DIP2C: variants seen among roughly 807,000 people sequenced by gnomAD.
DIP2C encodes the protein DIP2 acetate--CoA ligase C (putative).
DIP2C carries 33 observed loss-of-function variants against 192.4 expected under a neutral mutation model. The ratio of observed to expected loss-of-function variants is 0.17; its 90% CI spans 0.13 to 0.23. The LOEUF (loss-of-function observed/expected upper bound fraction) is 0.23, where lower values mean the gene tolerates loss of function less well. Among genes scored for constraint, DIP2C ranks in the 10% least tolerant of loss-of-function variants. The probability of loss-of-function intolerance (pLI) is 1.00; values close to 1 mark genes in which losing one functional copy is unlikely to be tolerated. For synonymous variants in DIP2C, 979 were observed against 864.1 expected (o/e 1.13, Z -2.33); for missense variants, 1,537 against 2,110.1 (o/e 0.73, Z 5.32).
intron 1 of DIP2C, among the ~76,000 whole-genome samples, chr10:521,858 A>T (rs1348405804): frequency 6.6e-6 from 1 of 152,040 alleles, no homozygotes; most frequent in Admixed American, 6.6e-5. Context: ...TCCCCAGCAC[A>T]TGCACAGCCT....
Position 414,055 on chromosome 10 carries a change from C to T in DIP2C, c.915G>A (p.Met305Ile). Reference protein sequence around the residue: ...PKPEGAQMLAMRGEQLGVVTN... With the variant: ...PKPEGAQMLAIRGEQLGVVTN... ...TGACCACGCCCAGCTGCTCTCCGCG[C>T]ATGGCCAGCATCTGGGCCCCCTCCG... Residue 305 changes from methionine to isoleucine, a missense_variant, in exon 8 of 37, where the codon ATG (methionine) becomes ATA (isoleucine). By Grantham distance (10) the Met-to-Ile change is conservative. Transcript: ENST00000280886. 6.2e-7 allele frequency: 1 copy of T among 1,613,954 alleles called. No individual in the cohort carries two copies. The highest frequency in any genetic ancestry group is 8.5e-7 in the Non-Finnish European group (1 of 1,179,850).
At chr10:654,335 G>A (rs1293578720) in intron 1 of DIP2C, among the ~76,000 whole-genome samples, 1 of 152,200 alleles carries the variant, frequency 6.6e-6, no homozygotes, top group Non-Finnish European at 1.5e-5. Flanking sequence ...GTACCCAGCT[G>A]GACAGGTGAA....
chr10:334,811 C>T (rs183736689), intron 29 of DIP2C, among the ~76,000 whole-genome samples: 2 of 152,294 alleles, frequency 1.3e-5, no homozygotes, highest in African/African-American at 4.8e-5. Context: ...AATGCCAGTA[C>T]ATTGTTCTGG....
chr10:301,869 G>A (rs565966717), intron 32 of DIP2C, among the ~76,000 whole-genome samples: 10 of 152,334 alleles, frequency 6.6e-5, no homozygotes, highest in East Asian at 5.8e-4. Context: ...CCAGGAGGAC[G>A]GCAAAGCCTC....
At chr10:626,010 T>C (rs1185869556) in intron 1 of DIP2C, among the ~76,000 whole-genome samples, 1 of 152,164 alleles carries the variant, frequency 6.6e-6, no homozygotes, top group Non-Finnish European at 1.5e-5. Context: ...ATTAATCACT[T>C]GAGTCCTCCC....
In DIP2C at chr10:525,720, G is replaced by A. The variant is rs112150417; in HGVS notation, c.86-39190C>T. Among the ~76,000 whole-genome samples, 209 of 152,252 alleles carry A rather than the reference G, an allele frequency of 1.4e-3. 1 individual carries two copies. Among genetic ancestry groups the A allele is most frequent in the African/African-American group, 4.3e-3 (180 of 41,556 alleles). ...GGAGAAAGGAAGACAGGCCAGCCCCGTACACCCATCAGCACACCCACACCA... is the reference window on the plus strand; with the variant it reads ...GGAGAAAGGAAGACAGGCCAGCCCCATACACCCATCAGCACACCCACACCA... On this transcript the variant is annotated intron_variant, in intron 1 of 36. Transcript: ENST00000280886.
intron 3 of DIP2C, among the ~76,000 whole-genome samples, chr10:467,193 C>A (rs1970272748): frequency 1.3e-5 from 2 of 152,114 alleles, no homozygotes; most frequent in Admixed American, 6.6e-5. Flanking sequence ...CCATGGAATA[C>A]TATGCAGCCA....
intron 4 of DIP2C, among the ~76,000 whole-genome samples, chr10:438,692 T>C (rs1236755263): frequency 6.6e-6 from 1 of 151,986 alleles, no homozygotes; most frequent in Non-Finnish European, 1.5e-5. Context: ...GGTTTTGGAA[T>C]GTTGCCCAGG....
intron 15 of DIP2C, 107 bp downstream of exon 15, chr10:384,439 T>C: frequency 1.7e-6 from 2 of 1,144,582 alleles, no homozygotes; most frequent in Non-Finnish European, 2.5e-6. Context: ...GGTTTCTCCA[T>C]ATTGGCCCGG....
intron 1 of DIP2C, among the ~76,000 whole-genome samples, chr10:576,379 A>G (rs1429315709): frequency 6.6e-6 from 1 of 152,202 alleles, no homozygotes; most frequent in Non-Finnish European, 1.5e-5. Flanking sequence ...CGTTCAGGGT[A>G]CAGGAGTCAG....
intron 1 of DIP2C, among the ~76,000 whole-genome samples, chr10:526,710 G>A (rs1025982600): frequency 6.6e-5 from 10 of 152,268 alleles, no homozygotes; most frequent in South Asian, 2.1e-4. Flanking sequence ...CTTTAACTGC[G>A]CCTATGTGGA....
intron 1 of DIP2C, chr10:664,893 C>T (rs1856992589): frequency 6.6e-6 from 1 of 152,012 alleles, no homozygotes. Context: ...CTCACAGACT[C>T]CTGAAGGAAT....
chr10:414,147 G>A (rs1439595766), intron 7 of DIP2C, 37 bp from the exon 8 acceptor site: 1 of 1,583,432 alleles, frequency 6.3e-7, no homozygotes, highest in Non-Finnish European at 8.6e-7. Flanking sequence ...CAAGAGAAAT[G>A]CATCCACATT....
chr10:667,618 T>G (rs1857175245), intron 1 of DIP2C: 2 of 151,796 alleles, frequency 1.3e-5, no homozygotes, highest in Admixed American at 1.3e-4. Flanking sequence ...ACAATATGCA[T>G]TTATAACACA....
chr10:310,734 T>C (rs1289341891), intron 31 of DIP2C, among the ~76,000 whole-genome samples: 1 of 152,206 alleles, frequency 6.6e-6, no homozygotes, highest in Non-Finnish European at 1.5e-5. Flanking sequence ...AAATCTTTTC[T>C]TGGCACCATA....
intron 32 of DIP2C, 48 bp from the exon 33 acceptor site, chr10:288,469 T>C: frequency 6.2e-7 from 1 of 1,602,342 alleles, no homozygotes; most frequent in East Asian, 2.2e-5. Context: ...GCTGTCCAGT[T>C]TTCCCCTTCA....
chr10:585,660 C>T (rs1850977745), intron 1 of DIP2C, among the ~76,000 whole-genome samples: 1 of 152,120 alleles, frequency 6.6e-6, no homozygotes. Flanking sequence ...CTGCAGGGGC[C>T]TCACCTCTGT....
intron 1 of DIP2C, among the ~76,000 whole-genome samples, chr10:684,639 CTGGGGG>C (rs1831246301): frequency 6.6e-6 from 1 of 152,174 alleles, no homozygotes; most frequent in African/African-American, 2.4e-5. Flanking sequence ...ATGCACAGGG[CTGGGGG>C]TGCCGAGGGC....
Position 478,010 on chromosome 10 carries a change from AGGG to A in DIP2C, c.158-5464_158-5462del, listed in dbSNP as rs759586914. On this transcript the variant is annotated intron_variant, in intron 2 of 36. Transcript: ENST00000280886. ...AAGAGAAGATAGAAGAGGAAAAAAGAGGGGAGGGGAGGGGAGGGGAGGGGAAAA... is the reference window on the plus strand; with the variant it reads ...AAGAGAAGATAGAAGAGGAAAAAAGAGAGGGGAGGGGAGGGGAGGGGAAAA... Among the ~76,000 whole-genome samples, 12 of 8,010 alleles carry A rather than the reference AGGG, an allele frequency of 1.5e-3. 3 individuals are homozygous for A. The highest frequency in any genetic ancestry group is 0.011 in the South Asian group (2 of 174). The allele number at this position is 8,010 out of a possible 152,430, so 5.3% of individuals were successfully genotyped here. A position where few individuals can be genotyped will look rare whatever the true frequency, so the allele number is the denominator to read the frequency against.
Sources: gnomAD v4.1 joint callset for allele counts (sites outside exome capture counted in the v4.1 genomes callset) on GRCh38, gnomAD v4.1.1 for gene constraint, MANE v1.5 for transcripts, NCBI Gene and HGNC (gene_info 2026-07-23, HGNC 2026-07-21) for gene names.